CAMKMT: variants seen among roughly 807,000 people sequenced by gnomAD.
The protein encoded by CAMKMT is CaM KMT.
CAMKMT carries 53 observed loss-of-function variants against 48.0 expected under a neutral mutation model. The observed-to-expected ratio is 1.10, with a 90% CI of 0.89 to 1.39. The LOEUF is 1.39. Among genes scored for constraint, CAMKMT ranks in the 40% most tolerant of loss-of-function variants. The pLI is 0.00. For synonymous variants in CAMKMT, 165 were observed against 152.3 expected (o/e 1.08, Z -0.61); for missense variants, 428 against 402.7 (o/e 1.06, Z -0.54).
intron 3 of CAMKMT, among the ~76,000 whole-genome samples, chr2:44,602,426 A>G (rs1671050738): frequency 6.6e-6 from 1 of 152,136 alleles, no homozygotes; most frequent in South Asian, 2.1e-4. Flanking sequence ...GAGAACAACA[A>G]AAATGTTAAA....
At chr2:44,425,242 CTTATCA>C (rs1445827790) in intron 3 of CAMKMT, among the ~76,000 whole-genome samples, 2 of 152,084 alleles carry the variant, frequency 1.3e-5, no homozygotes, top group Admixed American at 6.5e-5. Context: ...AAAACATTAT[CTTATCA>C]TTATCTTACC....
At chr2:44,590,042 C>G (rs1190990275) in intron 3 of CAMKMT, among the ~76,000 whole-genome samples, 1 of 151,428 alleles carries the variant, frequency 6.6e-6, no homozygotes, top group Non-Finnish European at 1.5e-5. Flanking sequence ...GTTTTCTGTA[C>G]ATTCCATCAA....
At chr2:44,384,305 C>T (rs916965068) in intron 2 of CAMKMT, among the ~76,000 whole-genome samples, 1 of 151,866 alleles carries the variant, frequency 6.6e-6, no homozygotes, top group African/African-American at 2.4e-5. Context: ...TGTCCTTAGT[C>T]CACTTTTTGA....
intron 3 of CAMKMT, among the ~76,000 whole-genome samples, chr2:44,527,794 C>CCCG (rs1553409543): frequency 7.3e-6 from 1 of 137,388 alleles, no homozygotes; most frequent in Non-Finnish European, 1.6e-5. Context: ...AGCCCCCCCC[C>CCCG]CCATTATCAA....
chr2:44,556,468 T>G (rs1316667834), intron 3 of CAMKMT, among the ~76,000 whole-genome samples: 1 of 18,694 alleles, frequency 5.3e-5, no homozygotes, highest in East Asian at 4.3e-4. Flanking sequence ...TTTTTTTTTT[T>G]TTTTTTTTTT....
chr2:44,556,003 G>C (rs1193556146), intron 3 of CAMKMT, among the ~76,000 whole-genome samples: 1 of 152,178 alleles, frequency 6.6e-6, no homozygotes, highest in African/African-American at 2.4e-5. Flanking sequence ...AGTATAGCTT[G>C]TCTAAAGGAA....
rs72867755 is a variant in CAMKMT at position 44,636,186 on chromosome 2, A to C, written c.377-68097A>C. Among the ~76,000 whole-genome samples, 545 of 152,308 alleles carry C rather than the reference A, an allele frequency of 3.6e-3. 1 individual carries two copies. Among genetic ancestry groups the C allele is most frequent in the African/African-American group, 0.01 (436 of 41,562 alleles). On this transcript the variant is annotated intron_variant, in intron 3 of 10. Transcript: ENST00000378494. ...TAAAGGTGGGGCACACTATCCAAAA[A>C]GCTGGACTAAGGGAGCAGAACTGGG...
intron 3 of CAMKMT, among the ~76,000 whole-genome samples, chr2:44,416,942 A>T (rs1683598741): frequency 6.7e-6 from 1 of 148,242 alleles, no homozygotes; most frequent in African/African-American, 2.5e-5. Context: ...TATTTTTTTC[A>T]CTTTTTTTAG....
chr2:44,422,464 G>A (rs1050917396), intron 3 of CAMKMT, among the ~76,000 whole-genome samples: 2 of 152,126 alleles, frequency 1.3e-5, no homozygotes, highest in African/African-American at 4.8e-5. Flanking sequence ...AAATACAGAG[G>A]GACCCAGCCA....
intron 3 of CAMKMT, among the ~76,000 whole-genome samples, chr2:44,636,011 A>G (rs949555339): frequency 2.6e-5 from 4 of 152,216 alleles, no homozygotes; most frequent in African/African-American, 4.8e-5. Context: ...GCTTTTTTAT[A>G]TTAGAAAAAC....
intron 3 of CAMKMT, among the ~76,000 whole-genome samples, chr2:44,402,870 CT>C (rs749850333): frequency 6.9e-6 from 1 of 144,342 alleles, no homozygotes; most frequent in South Asian, 2.2e-4. Flanking sequence ...CCATAGCATT[CT>C]TTTCATATTT....
chr2:44,459,761 A>C (rs1377608946), intron 3 of CAMKMT, among the ~76,000 whole-genome samples: 1 of 152,194 alleles, frequency 6.6e-6, no homozygotes, highest in Non-Finnish European at 1.5e-5. Context: ...CAAAGTGCCA[A>C]AAGTTCAGGG....
intron 3 of CAMKMT, among the ~76,000 whole-genome samples, chr2:44,404,488 A>G (rs1206483837): frequency 1.3e-5 from 2 of 152,078 alleles, no homozygotes; most frequent in African/African-American, 4.8e-5. Context: ...GTTGCTATTC[A>G]TCTAGTTTTT....
chr2:44,614,116 G>GA (rs1478182004), intron 3 of CAMKMT, among the ~76,000 whole-genome samples: 1 of 151,954 alleles, frequency 6.6e-6, no homozygotes, highest in Admixed American at 6.5e-5. Flanking sequence ...ATAATTCTTA[G>GA]AAAAAAGATC....
chr2:44,603,053 CAT>C (rs559456223), intron 3 of CAMKMT, among the ~76,000 whole-genome samples: 5 of 151,682 alleles, frequency 3.3e-5, no homozygotes, highest in African/African-American at 9.7e-5. Flanking sequence ...CACACACACA[CAT>C]ATATAGATAC....
chr2:44,609,014 G>T (rs1395670721), intron 3 of CAMKMT, among the ~76,000 whole-genome samples: 1 of 152,042 alleles, frequency 6.6e-6, no homozygotes, highest in Non-Finnish European at 1.5e-5. Flanking sequence ...CCTTTTTCTT[G>T]CCATACCAGT....
chr2:44,483,199 G>A (rs921344745), intron 3 of CAMKMT, among the ~76,000 whole-genome samples: 12 of 152,118 alleles, frequency 7.9e-5, no homozygotes, highest in Non-Finnish European at 1.5e-4. Context: ...TCAGTGTGGG[G>A]AGAATAAAGC....
intron 8 of CAMKMT, among the ~76,000 whole-genome samples, chr2:44,748,279 T>A (rs1356392028): frequency 6.6e-6 from 1 of 152,192 alleles, no homozygotes; most frequent in Non-Finnish European, 1.5e-5. Flanking sequence ...TAAGTCTGTT[T>A]GGAATGTGTG....
chr2:44,454,839 A>G (rs1306374781), intron 3 of CAMKMT, among the ~76,000 whole-genome samples: 2 of 152,208 alleles, frequency 1.3e-5, no homozygotes, highest in African/African-American at 2.4e-5. Flanking sequence ...AAGAATTGGT[A>G]CACATCTATA....
Sources: gnomAD v4.1 joint callset for allele counts (sites outside exome capture counted in the v4.1 genomes callset) on GRCh38, gnomAD v4.1.1 for gene constraint, MANE v1.5 for transcripts, NCBI Gene and HGNC (gene_info 2026-07-23, HGNC 2026-07-21) for gene names.